The following MTOR variants were observed in gnomAD, a reference collection of about 807,000 sequenced individuals.
MTOR encodes serine/threonine-protein kinase mTOR.
MTOR carries 70 observed loss-of-function variants against 319.8 expected under a neutral mutation model. The ratio of observed to expected loss-of-function variants is 0.22; its 90% confidence interval spans 0.18 to 0.27. The LOEUF is 0.27. Ranked by LOEUF, MTOR falls within the 10% of genes least tolerant of loss-of-function variation. MTOR has a pLI of 1.00. For missense variants in MTOR, 1,890 were observed against 3,274.4 expected, an observed-to-expected ratio of 0.58 and a Z score of 10.32; for synonymous variants, 1,183 against 1,211.4, an observed-to-expected ratio of 0.98 and a Z score of 0.49.
chr1:11,128,426 T>C lies in MTOR; in HGVS notation c.5910+28A>G. 6.2e-7 allele frequency: 1 copy of C among 1,606,538 alleles called. No individual in the cohort carries two copies. The highest frequency in any genetic ancestry group is 1.7e-4 in the Middle Eastern group (1 of 5,826). ...GCTGACCACCAAACCAGTGGTTAGA[T>C]GAGAAACTGCCCAGAGTCTCCACAT... On this transcript the variant is annotated intron_variant, in intron 42 of 57. Coordinates refer to ENST00000361445, the MANE Select transcript of MTOR (RefSeq NM_004958.4). This position sits in a 1 kb window ranked among gnomAD's most constrained non-coding sequence, Gnocchi z 5.3.
chr1:11,164,357 G>C (rs1310101011), intron 29 of MTOR, among the ~76,000 whole-genome samples: 1 of 140,488 alleles, frequency 7.1e-6, no homozygotes, highest in South Asian at 2.3e-4. Context: ...AAAAAAAAGA[G>C]AGAGAGAGAG....
chr1:11,172,097 T>C (rs1644833680), intron 28 of MTOR, among the ~76,000 whole-genome samples: 1 of 150,300 alleles, frequency 6.7e-6, no homozygotes, highest in South Asian at 2.1e-4. Flanking sequence ...CCCATCTGAA[T>C]GTGTGGAGGC....
intron 11 of MTOR, among the ~76,000 whole-genome samples, 163 bp downstream of exon 11, chr1:11,240,140 T>C (rs1647813026): frequency 6.6e-6 from 1 of 152,146 alleles, no homozygotes; most frequent in Non-Finnish European, 1.5e-5. Flanking sequence ...AAAGTAGGAA[T>C]TACCAATACG....
rs763310387 is a variant in MTOR, at chr1:11,139,591, T to C, written c.4940A>G (p.His1647Arg). The C allele has an allele frequency of 6.2e-6, 10 of 1,614,096 alleles. No individual in the cohort carries two copies. The highest frequency in any genetic ancestry group is 8.5e-6 in the Non-Finnish European group (10 of 1,180,044). ...CTTGAGCCAGGTTCTCATGTCTTCATGAGGGCTGACCACAAGGGACCGCAC... is the reference window on the plus strand; with the variant it reads ...CTTGAGCCAGGTTCTCATGTCTTCACGAGGGCTGACCACAAGGGACCGCAC... ...LMVRSLVVSP[H>R]EDMRTWLKYA... Residue 1647 changes from histidine to arginine, a missense_variant, in exon 35 of 58, where the codon CAT becomes CGT. Coordinates refer to ENST00000361445, the MANE Select transcript of MTOR (RefSeq NM_004958.4).
rs1642078688 is a variant in MTOR, at chr1:11,114,806, C to A, written c.7164+7G>T. 9.3e-6 allele frequency: 15 copies of A among 1,613,668 alleles called. No homozygotes were observed. The highest frequency in any genetic ancestry group is 1.3e-5 in the Non-Finnish European group (15 of 1,179,716). On this transcript the variant is annotated splice_region_variant and intron_variant, in intron 52 of 57. Coordinates refer to ENST00000361445, the MANE Select transcript of MTOR (RefSeq NM_004958.4). The stretch of plus-strand genomic sequence containing the variant: ...TTGGAAGCAGCTCGTTCCCGATATC[C>A]ACTCACCTCCATAGCATTGGTCAAC...
chr1:11,179,075 T>C (rs1001177607), intron 28 of MTOR, among the ~76,000 whole-genome samples: 1 of 152,194 alleles, frequency 6.6e-6, no homozygotes, highest in Admixed American at 6.5e-5. Flanking sequence ...GGAAGAGAAC[T>C]GTGGCACTCT....
Position 11,115,618 on chromosome 1 carries a change from T to A in MTOR, c.7017-150A>T. The A allele has an allele frequency of 1.5e-6, 1 of 685,350 alleles. No individual in the cohort carries two copies. The allele number at this position is 685,350 out of a possible 1,614,324, so 42.5% of individuals were successfully genotyped here. ...CACCTCCACTTCTGCAAGTCCAGTT[T>A]TACTGGAACACACAGCACGCTCCCT... On this transcript the variant is annotated intron_variant, in intron 50 of 57. Transcript: ENST00000361445. This position sits in a 1 kb window ranked among gnomAD's most constrained non-coding sequence, Gnocchi z 4.5.
At chr1:11,251,154 T>G (rs1649616779) in intron 6 of MTOR, among the ~76,000 whole-genome samples, 1 of 92,502 alleles carries the variant, frequency 1.1e-5, no homozygotes, top group East Asian at 7.1e-4. Flanking sequence ...AGGCCCTATG[T>G]GATATGCCCC....
In MTOR at chr1:11,121,333, C is replaced by A; in HGVS notation, c.6846G>T (p.Gln2282His). The change falls in exon 49 of 58, where the codon CAG becomes CAT. Residue 2282 changes from glutamine (Q) to histidine (H), a missense_variant. Physicochemically the swap from Gln to His is conservative, Grantham distance 24. Coordinates refer to ENST00000361445, the MANE Select transcript of MTOR (RefSeq NM_004958.4). The surrounding 1 kb of genome is among the most constrained non-coding windows in gnomAD (Gnocchi z 4.9). ...CGGCATGCTCAAACACCTCCACCTT[C>A]TGCATCAGAGTCAAGTGGTCATAGT... ...APDYDHLTLM[Q>H]KVEVFEHAVN... The A allele has an allele frequency of 6.2e-7, 1 of 1,614,174 alleles. No homozygotes were observed. The highest frequency in any genetic ancestry group is 8.5e-7 in the Non-Finnish European group (1 of 1,180,026).
chr1:11,182,287 C>T (rs1421929519), intron 28 of MTOR, among the ~76,000 whole-genome samples: 1 of 150,926 alleles, frequency 6.6e-6, no homozygotes, highest in African/African-American at 2.4e-5. Context: ...GAACAGAGTG[C>T]TTAGAGAAAA....
At chr1:11,224,710 C>T (rs1646775205) in intron 19 of MTOR, among the ~76,000 whole-genome samples, 1 of 152,018 alleles carries the variant, frequency 6.6e-6, no homozygotes, top group Non-Finnish European at 1.5e-5. Context: ...ATCATAAACA[C>T]AATGCAATTA....
At chr1:11,147,682 G>A (rs1643982270) in intron 31 of MTOR, among the ~76,000 whole-genome samples, 1 of 152,208 alleles carries the variant, frequency 6.6e-6, no homozygotes, top group Non-Finnish European at 1.5e-5. Flanking sequence ...AAAGGAAAAG[G>A]TATAAGCTCT....
Position 11,133,110 on chromosome 1 carries a change from G to GGT in MTOR, c.5333_5334insAC (p.Ala1779ProfsTer18). Reference sequence around the variant, plus strand: ...ACCAGCTGCGGTCGTGCTCTGTGGCGGCGCTGTAGTACTGCAGCACTTTGG... The same window carrying GGT: ...ACCAGCTGCGGTCGTGCTCTGTGGCGGTGCGCTGTAGTACTGCAGCACTTTGG... On this transcript the variant is annotated frameshift_variant, in exon 38 of 58. Coordinates refer to ENST00000361445, the MANE Select transcript of MTOR (RefSeq NM_004958.4). LOFTEE classifies it high-confidence loss of function. This position sits in a 1 kb window ranked among gnomAD's most constrained non-coding sequence, Gnocchi z 4.0. 6.2e-7 allele frequency: 1 copy of GGT among 1,614,100 alleles called. No homozygotes were observed. Among genetic ancestry groups the GGT allele is most frequent in the Non-Finnish European group, 8.5e-7 (1 of 1,180,018 alleles).
rs766370628 is a variant in MTOR at position 11,204,617 on chromosome 1, T to C, written c.3888A>G (p.Ser1296=). ...CCCAGCAGGAGCGCAGGGAGGGCGA[T>C]GATGAGTCCTTCAGCAGCTCCAGGC... ...RLSLELLKDS[S]SPSLRSCWAL... Residue 1296 remains serine, a synonymous_variant, in exon 26 of 58, where the codon TCA becomes TCG. Coordinates refer to ENST00000361445, the MANE Select transcript of MTOR (RefSeq NM_004958.4). 21 of 1,614,230 alleles carry C rather than the reference T, an allele frequency of 1.3e-5. No individual in the cohort carries two copies. The Admixed American group carries it at 2.8e-4, about 22-fold the overall frequency.
At chr1:11,237,487 G>A (rs1365811822) in intron 13 of MTOR, among the ~76,000 whole-genome samples, 1 of 152,104 alleles carries the variant, frequency 6.6e-6, no homozygotes, top group Non-Finnish European at 1.5e-5. Flanking sequence ...AAGCAGGAGA[G>A]CTGAAGGATA....
At chr1:11,130,865 C>T (rs2100435091) in intron 38 of MTOR, 88 bp from the exon 39 acceptor site, 1 of 1,459,344 alleles carries the variant, frequency 6.9e-7, no homozygotes, top group Non-Finnish European at 9.2e-7. Context: ...TGAGGAACAG[C>T]TGCTCCTGCC....
At chr1:11,146,824 G>C in intron 31 of MTOR, 33 bp from the exon 32 acceptor site, 1 of 1,550,482 alleles carries the variant, frequency 6.4e-7, no homozygotes, top group East Asian at 2.2e-5. Flanking sequence ...AAAGCATCAA[G>C]GGGGTTGGCT....
chr1:11,177,305 C>A (rs1482561441), intron 28 of MTOR, among the ~76,000 whole-genome samples: 1 of 152,048 alleles, frequency 6.6e-6, no homozygotes, highest in African/African-American at 2.4e-5. Flanking sequence ...TGCCTGTAAT[C>A]CCACCACCTT....
At chr1:11,250,096 G>T (rs1331885335) in intron 6 of MTOR, among the ~76,000 whole-genome samples, 1 of 147,882 alleles carries the variant, frequency 6.8e-6, no homozygotes, top group Admixed American at 6.7e-5. Context: ...CGGGCAGAGG[G>T]GCTCCTCACT....
Sources: gnomAD v4.1 joint callset for allele counts (sites outside exome capture counted in the v4.1 genomes callset) on GRCh38, gnomAD v4.1.1 for gene constraint, Gnocchi (gnomAD v3.1) non-coding constraint, MANE v1.5 for transcripts, NCBI Gene and HGNC (gene_info 2026-07-23, HGNC 2026-07-21) for gene names.